KNTC1: variants seen among roughly 807,000 people sequenced by gnomAD.
KNTC1 encodes the protein kinetochore-associated protein 1.
KNTC1 carries 253 observed loss-of-function variants against 314.4 expected under a neutral mutation model. The ratio of observed to expected loss-of-function variants is 0.80; its 90% confidence interval spans 0.73 to 0.89. The LOEUF is 0.89. KNTC1 is among the 40% of genes least tolerant of loss of function. KNTC1 has a pLI of 0.00. For missense variants in KNTC1, 2,475 were observed against 2,572.9 expected, an observed-to-expected ratio of 0.96 and a Z score of 0.82; for synonymous variants, 901 against 901.4, an observed-to-expected ratio of 1.00 and a Z score of 0.01.
Position 122,575,626 on chromosome 12 carries a change from C to A in KNTC1, c.2466C>A (p.His822Gln). 2.5e-6 allele frequency: 4 copies of A among 1,592,414 alleles called. No individual in the cohort carries two copies. Among genetic ancestry groups the A allele is most frequent in the Non-Finnish European group, 3.4e-6 (4 of 1,168,484 alleles). ...CTGTGGAGCAACTGGTGAAACAGCACCTGGAAATGGACCATCCCAAGTAAG... is the reference window on the plus strand; with the variant it reads ...CTGTGGAGCAACTGGTGAAACAGCAACTGGAAATGGACCATCCCAAGTAAG... ...SAAVEQLVKQ[H>Q]LEMDHPKVKL... Residue 822 changes from histidine (H) to glutamine (Q), a missense_variant, in exon 28 of 64, where the codon CAC (histidine) becomes CAA (glutamine). Physicochemically the swap from His to Gln is conservative, Grantham distance 24 (BLOSUM62 0). Coordinates refer to ENST00000333479, the MANE Select transcript of KNTC1 (RefSeq NM_014708.6).
Position 122,605,054 on chromosome 12 carries a change from A to G in KNTC1, c.5353A>G (p.Arg1785Gly), listed in dbSNP as rs930721252. 2 of 1,612,018 alleles carry G rather than the reference A, an allele frequency of 1.2e-6. No individual in the cohort carries two copies. Among genetic ancestry groups the G allele is most frequent in the Admixed American group, 3.3e-5 (2 of 59,748 alleles). The part of the protein sequence containing the change: ...SLYEHPSINQ[R>G]IQNSSGTDYP... Reference sequence around the variant, plus strand: ...CTACGAACATCCTAGCATCAATCAAAGAATTCAGAATTCATCTGGCACAGA... The same window carrying G: ...CTACGAACATCCTAGCATCAATCAAGGAATTCAGAATTCATCTGGCACAGA... Residue 1785 changes from arginine (R) to glycine (G), a missense_variant, in exon 50 of 64, where the codon AGA becomes GGA. Arg to Gly is a moderately radical substitution (Grantham distance 125). Transcript: ENST00000333479.
rs1046072417 is a variant in KNTC1 at position 122,585,686 on chromosome 12, C to T, written c.3585C>T (p.Asp1195=). ...KDPYEEWSYS[D]FFSEDGIVLE... ...CATATGAAGAGTGGTCTTACAGTGA[C>T]TTCTTCAGTGAAGATGGAATTGTTC... is the stretch of plus-strand genomic sequence containing the variant. Residue 1195 remains aspartate (D), a synonymous_variant, in exon 37 of 64, where the codon GAC becomes GAT. Coordinates refer to ENST00000333479, the MANE Select transcript of KNTC1 (RefSeq NM_014708.6). 30 of 1,613,382 alleles carry T rather than the reference C, an allele frequency of 1.9e-5. No individual in the cohort carries two copies. The highest frequency in any genetic ancestry group is 2.5e-5 in the Non-Finnish European group (29 of 1,179,434).
In KNTC1 at chr12:122,575,664, G is replaced by A. The variant is rs141017682; in HGVS notation, c.2486+18G>A. 264 of 1,546,120 alleles carry A rather than the reference G, an allele frequency of 1.7e-4. 1 individual carries two copies. In the African/African-American group the frequency reaches 2.4e-3, roughly 14 times the overall value. ...CATCCCAAGTAAGATGACTGTCTACGAAACAATGTTGTTATGCTCTGGAGA... is the reference window on the plus strand; with the variant it reads ...CATCCCAAGTAAGATGACTGTCTACAAAACAATGTTGTTATGCTCTGGAGA... On this transcript the variant is annotated intron_variant, in intron 28 of 63. Coordinates refer to ENST00000333479, the MANE Select transcript of KNTC1 (RefSeq NM_014708.6).
intron 16 of KNTC1, among the ~76,000 whole-genome samples, chr12:122,552,420 A>G (rs1295896850): frequency 1.3e-5 from 2 of 152,192 alleles, no homozygotes; most frequent in African/African-American, 2.4e-5. Flanking sequence ...GCTGGAGTAC[A>G]GTGGGGCGAT....
At chr12:122,608,918 G>A (rs1174301482) in intron 51 of KNTC1, among the ~76,000 whole-genome samples, 1 of 151,986 alleles carries the variant, frequency 6.6e-6, no homozygotes, top group Non-Finnish European at 1.5e-5. Context: ...AATTAGCCAG[G>A]TGCCATGGTG....
chr12:122,562,443 G>T (rs1373882341), intron 19 of KNTC1, among the ~76,000 whole-genome samples, 195 bp from the exon 20 acceptor site: 3 of 15,474 alleles, frequency 1.9e-4, no homozygotes, highest in African/African-American at 2.4e-4. Context: ...CATGTTTTGT[G>T]TGTGTGTGTG....
Position 122,579,988 on chromosome 12 carries a change from C to G in KNTC1, c.2914+11C>G. ...GTGACATTCAGAAAGGTAGCTTTTA[C>G]TTCTGTTTTCTCATCTCAGTTTTGT... On this transcript the variant is annotated intron_variant, in intron 32 of 63. Coordinates refer to ENST00000333479, the MANE Select transcript of KNTC1 (RefSeq NM_014708.6). The G allele has an allele frequency of 6.4e-7, 1 of 1,567,636 alleles. No homozygotes were observed. The highest frequency in any genetic ancestry group is 8.8e-7 in the Non-Finnish European group (1 of 1,138,560).
rs1231981290 is a variant in KNTC1, at chr12:122,592,220, C to T, written c.4245+767C>T. ...TCCCCCAGCAGTACCAGCCCACGGG[C>T]GCTGTGCTCGCTTTCTCGCCGGGCC... is the stretch of plus-strand genomic sequence containing the variant. On this transcript the variant is annotated intron_variant, in intron 42 of 63. Coordinates refer to ENST00000333479, the MANE Select transcript of KNTC1 (RefSeq NM_014708.6). Among the ~76,000 whole-genome samples, 4 of 152,308 alleles carry T rather than the reference C, an allele frequency of 2.6e-5. No individual in the cohort carries two copies. In the East Asian group the frequency reaches 5.8e-4, roughly 22 times the overall value.
intron 42 of KNTC1, among the ~76,000 whole-genome samples, chr12:122,591,945 T>C (rs1467483932): frequency 6.6e-6 from 1 of 152,232 alleles, no homozygotes; most frequent in African/African-American, 2.4e-5. Context: ...CCCTTCGGCC[T>C]GCCGCTGCAC....
At chr12:122,565,952 C>CTTTTTTTTT (rs527446641) in intron 20 of KNTC1, among the ~76,000 whole-genome samples, 1 of 128,256 alleles carries the variant, frequency 7.8e-6, no homozygotes, top group African/African-American at 3.0e-5. Context: ...ACGTTTCAAT[C>CTTTTTTTTT]TTTTTTTTTT....
intron 2 of KNTC1, among the ~76,000 whole-genome samples, chr12:122,532,222 T>G (rs888026962): frequency 2.7e-5 from 4 of 147,896 alleles, no homozygotes; most frequent in African/African-American, 1.0e-4. Flanking sequence ...TTTTTTTTTT[T>G]TTTTTGAGAC....
intron 24 of KNTC1, among the ~76,000 whole-genome samples, chr12:122,571,881 C>A (rs902529471): frequency 2.8e-4 from 43 of 151,862 alleles, no homozygotes; most frequent in African/African-American, 9.7e-4. Context: ...CCATGTTGGT[C>A]AGACTGATCT....
chr12:122,625,170 CA>C (rs555515019), intron 63 of KNTC1, among the ~76,000 whole-genome samples: 153 of 152,122 alleles, frequency 1.0e-3, no homozygotes, highest in Non-Finnish European at 1.5e-3. Context: ...TTTGGGAGGC[CA>C]AGGGGCAGAT....
chr12:122,537,816 A>G (rs79760302), intron 3 of KNTC1, among the ~76,000 whole-genome samples: 2,840 of 152,232 alleles, frequency 0.019, 86 homozygotes, highest in African/African-American at 0.059. Context: ...AACAAAGTTT[A>G]CCATATAGTA....
At chr12:122,602,996 G>T (rs1352244045) in intron 47 of KNTC1, 31 bp from the exon 48 acceptor site, 1 of 1,591,696 alleles carries the variant, frequency 6.3e-7, no homozygotes, top group South Asian at 1.1e-5. Flanking sequence ...GTGAATATGT[G>T]CTTCAGCCAT....
At chr12:122,570,771 T>A in intron 22 of KNTC1, 105 bp from the exon 23 acceptor site, 1 of 799,386 alleles carries the variant, frequency 1.3e-6, no homozygotes. Context: ...ATAAGAGGTT[T>A]ATGGACAAAA....
At chr12:122,569,915 A>G (rs765659383) in intron 22 of KNTC1, 91 bp downstream of exon 22, 5 of 1,138,478 alleles carry the variant, frequency 4.4e-6, no homozygotes, top group Non-Finnish European at 6.2e-6. Flanking sequence ...ACACCAGTTA[A>G]CACCAGTTAG....
At position 122,549,823 on chromosome 12, in the gene KNTC1, G is replaced by T. The variant is rs753662975; in HGVS notation, c.1045G>T (p.Val349Leu). 28 of 1,573,228 alleles carry T rather than the reference G, an allele frequency of 1.8e-5. No individual in the cohort carries two copies. The highest frequency in any genetic ancestry group is 2.3e-5 in the South Asian group (2 of 87,688). ...PTMEILYSLE[V>L]SSVSSLVQTG... ...AATGGAAATACTATATTCTTTGGAAGTATCTAGTGTTTCTTCTCTGGTCCA... is the reference window on the plus strand; with the variant it reads ...AATGGAAATACTATATTCTTTGGAATTATCTAGTGTTTCTTCTCTGGTCCA... The change falls in exon 13 of 64, where the codon GTA becomes TTA. Residue 349 changes from valine to leucine, a missense_variant. By Grantham distance (32) the Val-to-Leu change is conservative. Coordinates refer to ENST00000333479, the MANE Select transcript of KNTC1 (RefSeq NM_014708.6).
At chr12:122,547,301 G>A in intron 10 of KNTC1, 114 bp from the exon 11 acceptor site, 1 of 603,084 alleles carries the variant, frequency 1.7e-6, no homozygotes, top group South Asian at 2.0e-5. Context: ...CTTGAACCTG[G>A]GAGGTGGAGG....
Sources: gnomAD v4.1 joint callset for allele counts (sites outside exome capture counted in the v4.1 genomes callset) on GRCh38, gnomAD v4.1.1 for gene constraint, MANE v1.5 for transcripts, NCBI Gene and HGNC (gene_info 2026-07-23, HGNC 2026-07-21) for gene names.